MMP1: variants seen among roughly 807,000 people sequenced by gnomAD.
MMP1 encodes the protein matrix metallopeptidase 1, also known as interstitial collagenase.
In MMP1, 51 loss-of-function variants were observed where a neutral mutation model predicts 49.6. That is an observed-to-expected ratio of 1.03 (90% CI 0.82 to 1.30). The LOEUF (loss-of-function observed/expected upper bound fraction) is 1.30, where lower values mean the gene tolerates loss of function less well. Among genes scored for constraint, MMP1 ranks in the 50% most tolerant of loss-of-function variants. The probability of loss-of-function intolerance (pLI) is 0.00; values close to 1 mark genes in which losing one functional copy is unlikely to be tolerated. For synonymous variants in MMP1, 230 were observed against 196.8 expected (o/e 1.17, Z -1.41); for missense variants, 623 against 568.7 (o/e 1.10, Z -0.97).
Position 102,794,354 on chromosome 11 carries a change from A to G in MMP1, c.899+820T>C, listed in dbSNP as rs944931128. Reference sequence around the variant, plus strand: ...ATGTGTTGATCTTTCTGTGGACTGCATCATTCACCAAATGCGGTGTGCAAT... The same window carrying G: ...ATGTGTTGATCTTTCTGTGGACTGCGTCATTCACCAAATGCGGTGTGCAAT... On this transcript the variant is annotated intron_variant, in intron 6 of 9. Coordinates refer to ENST00000315274, the MANE Select transcript of MMP1 (RefSeq NM_002421.4). The surrounding 1 kb of genome is among the most constrained non-coding windows in gnomAD (Gnocchi z 4.3). 6.6e-6 allele frequency among the ~76,000 whole-genome samples: 1 copy of G among 152,168 alleles called. No homozygotes were observed. The highest frequency in any genetic ancestry group is 1.5e-5 in the Non-Finnish European group (1 of 68,028).
At chr11:102,796,347 A>C (rs1280052430) in intron 4 of MMP1, among the ~76,000 whole-genome samples, 1 of 152,220 alleles carries the variant, frequency 6.6e-6, no homozygotes, top group African/African-American at 2.4e-5. Flanking sequence ...ATTTCCACAT[A>C]AGTTTATGAC....
At position 102,790,977 on chromosome 11, in the gene MMP1, C is replaced by G. The variant is rs17880516; in HGVS notation, c.1197-171G>C. ...TGGAATGTTGGGTGAACTAAAAGGC[C>G]TTTAAGGCCCCTCTGAAATCCAGCA... On this transcript the variant is annotated intron_variant, in intron 8 of 9. Transcript: ENST00000315274. 2.4e-3 allele frequency among the ~76,000 whole-genome samples: 365 copies of G among 152,312 alleles called. 2 individuals are homozygous for G. The highest frequency in any genetic ancestry group is 8.4e-3 in the African/African-American group (350 of 41,580).
At chr11:102,797,869 T>C (rs1033037626) in intron 1 of MMP1, 119 bp downstream of exon 1, 76 of 649,752 alleles carry the variant, frequency 1.2e-4, no homozygotes, top group Non-Finnish European at 1.7e-4. Flanking sequence ...GTGCTGTTTC[T>C]AGCAAAAAAA....
intron 1 of MMP1, 125 bp from the exon 2 acceptor site, chr11:102,797,625 T>C: frequency 3.2e-6 from 4 of 1,232,554 alleles, no homozygotes; most frequent in Non-Finnish European, 4.5e-6. Flanking sequence ...ATTTCGCAGT[T>C]GCTTTTATCC....
chr11:102,791,592 G>A (rs1169943637), intron 7 of MMP1, 97 bp from the exon 8 acceptor site: 31 of 1,312,634 alleles, frequency 2.4e-5, no homozygotes, highest in Non-Finnish European at 3.3e-5. Context: ...TGCTAGTGCA[G>A]TACCCTGGCT....
At position 102,791,342 on chromosome 11, in the gene MMP1, T is replaced by C; in HGVS notation, c.1187A>G (p.Lys396Arg). The C allele has an allele frequency of 1.2e-6, 2 of 1,613,932 alleles. No homozygotes were observed. The highest frequency in any genetic ancestry group is 1.7e-6 in the Non-Finnish European group (2 of 1,179,804). Reference protein sequence around the residue: ...TGKTYFFVANKYWRYDEYKRS... With the variant: ...TGKTYFFVANRYWRYDEYKRS... ...CTGCACTTAAACTTACCTCCAGTAT[T>C]TGTTAGCAACAAAGAAGTAGGTTTT... Residue 396 changes from lysine to arginine, a missense_variant, in exon 8 of 10, where the codon AAA becomes AGA. Transcript: ENST00000315274.
intron 5 of MMP1, 66 bp from the exon 6 acceptor site, chr11:102,795,357 A>G (rs1336522736): frequency 1.2e-6 from 2 of 1,604,064 alleles, no homozygotes; most frequent in Non-Finnish European, 1.7e-6. Flanking sequence ...AACAATGAAG[A>G]CAGCTTCTTC....
rs956209094 is a variant in MMP1 at position 102,790,285 on chromosome 11, T to C, written c.*127A>G. The stretch of plus-strand genomic sequence containing the variant: ...GTAAAAAAATATGCAAACTGAGGTA[T>C]AAATAAGATTATATTCTGTGTATCA... On this transcript the variant is annotated 3_prime_UTR_variant, in exon 10 of 10. Transcript: ENST00000315274. 9.1e-6 allele frequency: 5 copies of C among 549,486 alleles called. No individual in the cohort carries two copies. The highest frequency in any genetic ancestry group is 1.6e-5 in the Non-Finnish European group (5 of 309,750). The allele number at this position is 549,486 out of a possible 1,614,324, so 34.0% of individuals were successfully genotyped here.
Position 102,797,171 on chromosome 11 carries a change from GA to G in MMP1, c.351-10del. The G allele has an allele frequency of 6.2e-7, 1 of 1,613,840 alleles. No homozygotes were observed. The highest frequency in any genetic ancestry group is 8.5e-7 in the Non-Finnish European group (1 of 1,179,840). On this transcript the variant is annotated splice_polypyrimidine_tract_variant and intron_variant, in intron 2 of 9. Transcript: ENST00000315274. ...GCGTGTAATTTTCAATCCTTAGAATGAAACAAAATAGAGACACATTGGACAT... is the reference window on the plus strand; with the variant it reads ...GCGTGTAATTTTCAATCCTTAGAATGAACAAAATAGAGACACATTGGACAT...
At chr11:102,796,855 A>G in intron 3 of MMP1, 66 bp from the exon 4 acceptor site, 3 of 1,579,780 alleles carry the variant, frequency 1.9e-6, no homozygotes, top group Non-Finnish European at 2.6e-6. Context: ...AAGGGCAAGC[A>G]TTAGCTTTGT....
chr11:102,798,022 A>C lies in MMP1; in HGVS notation c.71T>G (p.Leu24Arg). ...GTCCACATCTTGCTCTTGTGTTTCTAGAGTCGCTGGGAAGCTGTGAGACAC... is the reference window on the plus strand; with the variant it reads ...GTCCACATCTTGCTCTTGTGTTTCTCGAGTCGCTGGGAAGCTGTGAGACAC... The part of the protein sequence containing the change: ...GVVSHSFPAT[L>R]ETQEQDVDLV... Residue 24 changes from leucine to arginine, a missense_variant, in exon 1 of 10, where the codon CTA (leucine) becomes CGA (arginine). Leu to Arg is a moderately radical substitution (Grantham distance 102). Coordinates refer to ENST00000315274, the MANE Select transcript of MMP1 (RefSeq NM_002421.4). The C allele has an allele frequency of 6.2e-7, 1 of 1,613,716 alleles. No homozygotes were observed. The highest frequency in any genetic ancestry group is 8.5e-7 in the Non-Finnish European group (1 of 1,179,902).
Position 102,795,547 on chromosome 11 carries a change from G to T in MMP1, c.686C>A (p.Ser229Tyr). ...ELGHSLGLSH[S>Y]TDIGALMYPS... Reference sequence around the variant, plus strand: ...GTACATCAAAGCCCCGATATCAGTAGAATGGGAGAGTCCAAGAGAATGGCC... The same window carrying T: ...GTACATCAAAGCCCCGATATCAGTATAATGGGAGAGTCCAAGAGAATGGCC... The change falls in exon 5 of 10, where the codon TCT becomes TAT. Residue 229 changes from serine to tyrosine, a missense_variant. By Grantham distance (144) the Ser-to-Tyr change is moderately radical. Transcript: ENST00000315274. 6.2e-7 allele frequency: 1 copy of T among 1,614,018 alleles called. No individual in the cohort carries two copies. The highest frequency in any genetic ancestry group is 8.5e-7 in the Non-Finnish European group (1 of 1,179,966).
chr11:102,796,184 T>C (rs1439661912), intron 4 of MMP1, among the ~76,000 whole-genome samples: 2 of 152,200 alleles, frequency 1.3e-5, no homozygotes, highest in African/African-American at 2.4e-5. Flanking sequence ...CTCCTGACGT[T>C]GTGATCTGCC....
chr11:102,798,151 G>C lies in MMP1; in HGVS notation c.-59C>G. Reference sequence around the variant, plus strand: ...AGTGATGGCTTCCCAGCCTCTTGCTGCTCCAATATCCCAGCTAGGAAGCTC... The same window carrying C: ...AGTGATGGCTTCCCAGCCTCTTGCTCCTCCAATATCCCAGCTAGGAAGCTC... On this transcript the variant is annotated 5_prime_UTR_variant, in exon 1 of 10. Transcript: ENST00000315274. The C allele has an allele frequency of 7.1e-7, 1 of 1,401,340 alleles. No homozygotes were observed. Among genetic ancestry groups the C allele is most frequent in the South Asian group, 1.2e-5 (1 of 80,052 alleles). 86.8% of individuals were successfully genotyped at this position (1,401,340 alleles called of 1,614,324 possible).
chr11:102,791,331 A>G lies in MMP1; in HGVS notation c.1196+2T>C, dbSNP rs750677561. On this transcript the variant is annotated splice_donor_variant, in intron 8 of 9. Transcript: ENST00000315274. LOFTEE classifies it high-confidence loss of function. ...CCTAACATTCTCTGCACTTAAACTT[A>G]CCTCCAGTATTTGTTAGCAACAAAG... 1 of 1,613,730 alleles carries G rather than the reference A, an allele frequency of 6.2e-7. No homozygotes were observed. Among genetic ancestry groups the G allele is most frequent in the Non-Finnish European group, 8.5e-7 (1 of 1,179,724 alleles).
chr11:102,797,172 A>G lies in MMP1; in HGVS notation c.351-10T>C. On this transcript the variant is annotated splice_polypyrimidine_tract_variant and intron_variant, in intron 2 of 9. Coordinates refer to ENST00000315274, the MANE Select transcript of MMP1 (RefSeq NM_002421.4). ...CGTGTAATTTTCAATCCTTAGAATG[A>G]AACAAAATAGAGACACATTGGACAT... The G allele has an allele frequency of 6.2e-7, 1 of 1,613,926 alleles. No homozygotes were observed. Among genetic ancestry groups the G allele is most frequent in the South Asian group, 1.1e-5 (1 of 91,018 alleles).
chr11:102,790,768 G>T lies in MMP1; in HGVS notation c.1235C>A (p.Pro412His), dbSNP rs1858005900. The T allele has an allele frequency of 6.2e-7, 1 of 1,613,084 alleles. No homozygotes were observed. The highest frequency in any genetic ancestry group is 1.1e-5 in the South Asian group (1 of 91,044). Residue 412 changes from proline (P) to histidine (H), a missense_variant, in exon 9 of 10, where the codon CCC (proline) becomes CAC (histidine). By Grantham distance (77) the Pro-to-His change is moderately conservative (BLOSUM62 -2). Coordinates refer to ENST00000315274, the MANE Select transcript of MMP1 (RefSeq NM_002421.4). Reference protein sequence around the residue: ...EYKRSMDPGYPKMIAHDFPGI... With the variant: ...EYKRSMDPGYHKMIAHDFPGI... ...AGGAAAGTCATGTGCTATCATTTTGGGATAACCTGGATCCATAGATCGTTT... is the reference window on the plus strand; with the variant it reads ...AGGAAAGTCATGTGCTATCATTTTGTGATAACCTGGATCCATAGATCGTTT...
At chr11:102,791,045 A>G (rs1858015536) in intron 8 of MMP1, among the ~76,000 whole-genome samples, 1 of 152,216 alleles carries the variant, frequency 6.6e-6, no homozygotes, top group African/African-American at 2.4e-5. Context: ...TATCGAGGTA[A>G]CATACTATGG....
At chr11:102,792,866 C>A in intron 6 of MMP1, 128 bp from the exon 7 acceptor site, 1 of 825,860 alleles carries the variant, frequency 1.2e-6, no homozygotes, top group Non-Finnish European at 1.9e-6. Context: ...TTCAGCTCTC[C>A]AAAGAAGGGT....
Sources: allele counts gnomAD v4.1 joint callset (sites outside exome capture counted in the v4.1 genomes callset), GRCh38; gene constraint gnomAD v4.1.1; non-coding constraint Gnocchi (gnomAD v3.1); transcripts MANE v1.5; gene names NCBI Gene and HGNC (gene_info 2026-07-23, HGNC 2026-07-21).